Variants in DIAPH2 observed in about 807,000 individuals in gnomAD.
DIAPH2 encodes diaphanous related formin 2.
DIAPH2 carries 35 observed loss-of-function variants against 92.7 expected under a neutral mutation model. The observed-to-expected ratio is 0.38, with a 90% CI of 0.29 to 0.50. The LOEUF (loss-of-function observed/expected upper bound fraction) is 0.50. DIAPH2 is among the 20% of genes least tolerant of loss of function. The pLI is 0.94. For missense variants in DIAPH2, 701 were observed against 819.5 expected (o/e 0.86, Z 1.77); for synonymous variants, 301 against 280.4 (o/e 1.07, Z -0.73).
At chrX:97,258,571 T>A in intron 23 of DIAPH2, among the ~76,000 whole-genome samples, 2 of 95,118 alleles carry the variant, frequency 2.1e-5, no homozygotes, top group African/African-American at 4.0e-5. Context: ...AGACTCCGCC[T>A]CAAAAAAAAT....
chrX:96,958,861 T>G (rs939942350), intron 16 of DIAPH2, among the ~76,000 whole-genome samples: 1 of 111,924 alleles, frequency 8.9e-6, no homozygotes, highest in African/African-American at 3.2e-5. Flanking sequence ...CTTTTTTCAC[T>G]TAACATAGTG....
intron 4 of DIAPH2, among the ~76,000 whole-genome samples, chrX:96,786,017 G>A (rs970684135): frequency 9.0e-6 from 1 of 111,532 alleles, no homozygotes; most frequent in Non-Finnish European, 1.9e-5. Flanking sequence ...ATGTCCTTGA[G>A]GACTACAGGG....
chrX:97,129,348 G>A (rs994758649), intron 21 of DIAPH2, among the ~76,000 whole-genome samples: 1 of 107,891 alleles, frequency 9.3e-6, no homozygotes, highest in Non-Finnish European at 1.9e-5. Context: ...TGTATTTTTA[G>A]TAGAGATGAG....
intron 4 of DIAPH2, among the ~76,000 whole-genome samples, chrX:96,849,934 A>G (rs773844191): frequency 2.0e-5 from 2 of 101,531 alleles, no homozygotes; most frequent in African/African-American, 7.6e-5. Flanking sequence ...TCCTTAAGAA[A>G]GCATGGTAGG....
In DIAPH2 at chrX:97,053,182, G is replaced by T. The variant is rs771064128; in HGVS notation, c.2051-19759G>T. Among the ~76,000 whole-genome samples the T allele has an allele frequency of 5.4e-5, 6 of 111,106 alleles. No homozygotes were observed. In the East Asian group the frequency reaches 1.1e-3, roughly 21 times the overall value. On this transcript the variant is annotated intron_variant, in intron 17 of 26. Coordinates refer to ENST00000324765, the MANE Select transcript of DIAPH2 (RefSeq NM_006729.5). ...TGGTTTCTATTGCCCCATACTTGAG[G>T]CCTTGAAAACTGATGCTCAAGTTCA... is the stretch of plus-strand genomic sequence containing the variant.
intron 5 of DIAPH2, among the ~76,000 whole-genome samples, chrX:96,911,772 A>G (rs773145415): frequency 4.5e-5 from 5 of 111,378 alleles, no homozygotes; most frequent in Non-Finnish European, 5.6e-5. Context: ...CTGTCTCCCT[A>G]TCTCTAGATA....
chrX:96,880,025 G>A lies in DIAPH2; in HGVS notation c.448-1554G>A, dbSNP rs755179868. ...ATTCCAGGCATGAGCCACCGTCCCC[G>A]GCCCATCCAGTATATTTTTAACGTC... On this transcript the variant is annotated intron_variant, in intron 4 of 26. Transcript: ENST00000324765. Among the ~76,000 whole-genome samples, 20 of 111,636 alleles carry A rather than the reference G, an allele frequency of 1.8e-4. 1 individual carries two copies. Among genetic ancestry groups the A allele is most frequent in the Middle Eastern group, 4.6e-3 (1 of 217 alleles).
intron 22 of DIAPH2, among the ~76,000 whole-genome samples, chrX:97,144,358 A>C (rs1453774483): frequency 2.7e-5 from 3 of 111,109 alleles, no homozygotes; most frequent in Admixed American, 9.6e-5. Flanking sequence ...AATACGTCCT[A>C]ATGTTTGATA....
At chrX:97,476,334 C>T (rs1294836936) in intron 26 of DIAPH2, among the ~76,000 whole-genome samples, 3 of 111,746 alleles carry the variant, frequency 2.7e-5, no homozygotes, top group East Asian at 5.6e-4. Context: ...TAAGCCACTC[C>T]CCAGCCAAGG....
At chrX:97,366,592 T>C (rs1343369062) in intron 24 of DIAPH2, among the ~76,000 whole-genome samples, 1 of 112,021 alleles carries the variant, frequency 8.9e-6, no homozygotes, top group African/African-American at 3.2e-5. Context: ...ACATCTTCAT[T>C]ATTTATCCAT....
intron 20 of DIAPH2, among the ~76,000 whole-genome samples, chrX:97,103,679 TTAG>T (rs1484827063): frequency 8.9e-6 from 1 of 111,932 alleles, no homozygotes; most frequent in Non-Finnish European, 1.9e-5. Context: ...GGCACAACCC[TTAG>T]TAGGATGTTT....
chrX:97,414,360 G>C (rs1385980360), intron 25 of DIAPH2, among the ~76,000 whole-genome samples: 1 of 111,876 alleles, frequency 8.9e-6, no homozygotes, highest in Non-Finnish European at 1.9e-5. Context: ...TATGTAGAAA[G>C]CTGAAACTGT....
intron 21 of DIAPH2, among the ~76,000 whole-genome samples, chrX:97,138,865 C>T (rs2067190998): frequency 9.0e-6 from 1 of 111,120 alleles, no homozygotes; most frequent in African/African-American, 3.3e-5. Flanking sequence ...TTGCTTCTGG[C>T]TAGAGCAAAC....
At chrX:96,812,518 C>T (rs939064654) in intron 4 of DIAPH2, among the ~76,000 whole-genome samples, 3 of 111,429 alleles carry the variant, frequency 2.7e-5, no homozygotes, top group African/African-American at 9.8e-5. Flanking sequence ...GTCTTTATCT[C>T]CTTCAGTTGT....
chrX:96,815,339 C>T (rs766914671), intron 4 of DIAPH2, among the ~76,000 whole-genome samples: 8 of 111,762 alleles, frequency 7.2e-5, no homozygotes, highest in East Asian at 2.9e-4. Flanking sequence ...GAGCCAGGCG[C>T]GGGATATAAT....
intron 26 of DIAPH2, among the ~76,000 whole-genome samples, chrX:97,591,293 T>C (rs2071515360): frequency 8.9e-6 from 1 of 111,901 alleles, no homozygotes; most frequent in Non-Finnish European, 1.9e-5. Flanking sequence ...GTACTTAAAA[T>C]GTAATAGATG....
chrX:97,171,096 A>T (rs1356736626), intron 22 of DIAPH2, among the ~76,000 whole-genome samples: 1 of 111,145 alleles, frequency 9.0e-6, no homozygotes, highest in Non-Finnish European at 1.9e-5. Context: ...CTGGTCTTGA[A>T]CTGCTGACCT....
chrX:96,698,354 G>A (rs2147521988), intron 1 of DIAPH2, among the ~76,000 whole-genome samples: 1 of 111,881 alleles, frequency 8.9e-6, no homozygotes, highest in East Asian at 2.8e-4. Flanking sequence ...GTTTAGGGGA[G>A]TGCCAAGAAC....
At chrX:97,050,512 T>G (rs182004493) in intron 17 of DIAPH2, among the ~76,000 whole-genome samples, 3,988 of 108,645 alleles carry the variant, frequency 0.037, 85 homozygotes, top group Middle Eastern at 0.079. Flanking sequence ...TTTTGTTTTT[T>G]TTTTTTTTTC....
Sources: gnomAD v4.1 joint callset for allele counts (sites outside exome capture counted in the v4.1 genomes callset) on GRCh38, gnomAD v4.1.1 for gene constraint, MANE v1.5 for transcripts, NCBI Gene and HGNC (gene_info 2026-07-23, HGNC 2026-07-21) for gene names.